ATP8B4: variants seen among roughly 807,000 people sequenced by gnomAD.
The protein encoded by ATP8B4 is ATPase phospholipid transporting 8B4 (putative).
ATP8B4 carries 133 observed loss-of-function variants against 145.6 expected under a neutral mutation model. The ratio of observed to expected loss-of-function variants is 0.91; its 90% CI spans 0.79 to 1.05. The LOEUF is 1.05. ATP8B4 is among the 50% of genes least tolerant of loss of function. The pLI is 0.00. For missense variants in ATP8B4, 1,458 were observed against 1,425.2 expected (o/e 1.02, Z -0.37); for synonymous variants, 507 against 492.9 (o/e 1.03, Z -0.38).
intron 14 of ATP8B4, among the ~76,000 whole-genome samples, chr15:49,939,317 G>GT (rs2041979098): frequency 6.6e-6 from 1 of 151,820 alleles, no homozygotes; most frequent in South Asian, 2.1e-4. Flanking sequence ...CCAAAAGTTG[G>GT]TTTTTTTGAA....
chr15:49,969,795 C>G (rs1464427521), intron 13 of ATP8B4, among the ~76,000 whole-genome samples: 1 of 152,072 alleles, frequency 6.6e-6, no homozygotes, highest in East Asian at 1.9e-4. Flanking sequence ...ATCCTGATAC[C>G]AAAACTGGGA....
intron 25 of ATP8B4, among the ~76,000 whole-genome samples, chr15:49,872,047 G>T (rs915171493): frequency 2.0e-5 from 3 of 152,122 alleles, no homozygotes; most frequent in Non-Finnish European, 4.4e-5. Context: ...TAAAGTACAC[G>T]ACTTTCTGTC....
chr15:50,093,391 A>T (rs1041531129), intron 2 of ATP8B4, among the ~76,000 whole-genome samples: 6 of 152,094 alleles, frequency 3.9e-5, no homozygotes, highest in African/African-American at 1.4e-4. Flanking sequence ...TAGCATAAAA[A>T]TTTGATTAAA....
At chr15:49,933,805 C>T (rs1401491831) in intron 15 of ATP8B4, among the ~76,000 whole-genome samples, 3 of 152,040 alleles carry the variant, frequency 2.0e-5, no homozygotes. Context: ...AATCTCTCCA[C>T]ATTTTTTCAA....
At chr15:50,109,100 A>G (rs1165932008) in intron 1 of ATP8B4, among the ~76,000 whole-genome samples, 1 of 151,998 alleles carries the variant, frequency 6.6e-6, no homozygotes, top group African/African-American at 2.4e-5. Context: ...TCTGGTCCCT[A>G]TCTTCCTACA....
chr15:50,017,137 C>A (rs2049151870), intron 6 of ATP8B4, among the ~76,000 whole-genome samples: 1 of 152,176 alleles, frequency 6.6e-6, no homozygotes, highest in Non-Finnish European at 1.5e-5. Context: ...CTTCCCCAAT[C>A]CAAGTTTAAA....
At chr15:50,122,559 G>T (rs1434630616), upstream of ATP8B4, among the ~76,000 whole-genome samples, 1 of 152,050 alleles carries the variant, frequency 6.6e-6, no homozygotes, top group Non-Finnish European at 1.5e-5. Flanking sequence ...TTGCTTTTAA[G>T]GCCAACAAGG....
At chr15:49,901,912 G>C in intron 20 of ATP8B4, 1 of 361,208 alleles carries the variant, frequency 2.8e-6, no homozygotes, top group Non-Finnish European at 5.3e-6. Context: ...GTTCCAAATG[G>C]AAACGCCCTC....
chr15:49,914,962 T>C (rs1309176924), intron 20 of ATP8B4, among the ~76,000 whole-genome samples: 3 of 152,300 alleles, frequency 2.0e-5, no homozygotes, highest in Non-Finnish European at 4.4e-5. Flanking sequence ...ACTGGGTATT[T>C]ATTCAAAGGA....
chr15:50,163,842 C>A (rs1449422944), intron 1 of ATP8B4, among the ~76,000 whole-genome samples: 1 of 152,282 alleles, frequency 6.6e-6, no homozygotes, highest in South Asian at 2.1e-4. Context: ...ACCCAAGCTG[C>A]AAGACAAAGT....
chr15:50,029,009 C>T (rs368197498), intron 6 of ATP8B4, among the ~76,000 whole-genome samples: 88 of 151,740 alleles, frequency 5.8e-4, no homozygotes, highest in Non-Finnish European at 8.7e-4. Flanking sequence ...CCGAGGCAGG[C>T]GGATCATGAG....
chr15:49,887,604 T>C (rs142927873), intron 23 of ATP8B4, among the ~76,000 whole-genome samples: 424 of 151,984 alleles, frequency 2.8e-3, no homozygotes, highest in African/African-American at 9.7e-3. Flanking sequence ...AGAAAAGCCA[T>C]GCTACTACAA....
chr15:50,156,107 A>AAATATAT (rs1555498023), intron 1 of ATP8B4, among the ~76,000 whole-genome samples: 4 of 27,114 alleles, frequency 1.5e-4, no homozygotes, highest in African/African-American at 4.2e-4. Flanking sequence ...TATATATATA[A>AAATATAT]ATATATATAT....
At chr15:50,051,008 T>C (rs2052144732) in intron 3 of ATP8B4, among the ~76,000 whole-genome samples, 1 of 152,198 alleles carries the variant, frequency 6.6e-6, no homozygotes, top group African/African-American at 2.4e-5. Flanking sequence ...TAAATGACCA[T>C]TTTTAACATT....
intron 10 of ATP8B4, 56 bp downstream of exon 10, chr15:49,987,335 T>G: frequency 6.4e-7 from 1 of 1,564,940 alleles, no homozygotes; most frequent in Non-Finnish European, 8.7e-7. Context: ...TAGACTGTGC[T>G]GGTGTACGTT....
intron 2 of ATP8B4, among the ~76,000 whole-genome samples, chr15:50,094,239 G>A (rs1214459910): frequency 6.6e-6 from 1 of 152,062 alleles, no homozygotes; most frequent in Non-Finnish European, 1.5e-5. Flanking sequence ...CTCAAGGCCT[G>A]AATAGAACAA....
intron 14 of ATP8B4, among the ~76,000 whole-genome samples, chr15:49,940,929 G>A (rs965028119): frequency 1.3e-5 from 2 of 152,088 alleles, no homozygotes; most frequent in Admixed American, 6.6e-5. Context: ...ATTCACCCTC[G>A]AGAGACATAG....
chr15:49,901,011 G>C, intron 21 of ATP8B4, 81 bp downstream of exon 21: 3 of 1,487,508 alleles, frequency 2.0e-6, no homozygotes, highest in Non-Finnish European at 2.7e-6. Context: ...AAAAGACAAA[G>C]GAGGTCTCAT....
At chr15:49,908,142 T>G (rs2038829857) in intron 20 of ATP8B4, 2 of 455,724 alleles carry the variant, frequency 4.4e-6, no homozygotes, top group Non-Finnish European at 8.8e-6. Context: ...ACATGTGTAC[T>G]GCCTACAATA....
Sources: allele counts gnomAD v4.1 joint callset (sites outside exome capture counted in the v4.1 genomes callset), GRCh38; gene constraint gnomAD v4.1.1; transcripts MANE v1.5; gene names NCBI Gene and HGNC (gene_info 2026-07-23, HGNC 2026-07-21).